Variants in TNRC6A observed in about 807,000 individuals in gnomAD.
TNRC6A encodes the protein trinucleotide repeat-containing gene 6A protein.
In TNRC6A, 44 loss-of-function variants were observed where a neutral mutation model predicts 221.2. The observed-to-expected ratio is 0.20, with a 90% CI of 0.16 to 0.26. TNRC6A has a LOEUF of 0.26. Ranked by LOEUF, TNRC6A falls within the 10% of genes least tolerant of loss-of-function variation. The probability of loss-of-function intolerance (pLI) is 1.00; values close to 1 mark genes in which losing one functional copy is unlikely to be tolerated. For missense variants in TNRC6A, 2,199 were observed against 2,404.4 expected, an observed-to-expected ratio of 0.91 and a Z score of 1.79; for synonymous variants, 847 against 838.5, an observed-to-expected ratio of 1.01 and a Z score of -0.18.
At chr16:24,618,642 ATTTTTTTTTTTTTTTT>A (rs61228496) in intron 1 of TNRC6A, among the ~76,000 whole-genome samples, 1 of 88,040 alleles carries the variant, frequency 1.1e-5, no homozygotes, top group Admixed American at 1.3e-4. Flanking sequence ...CATTTCATGA[ATTTTTTTTTTTTTTTT>A]TTTTTTTTTT....
At chr16:24,784,157 A>G (rs1205350449) in intron 5 of TNRC6A, among the ~76,000 whole-genome samples, 3 of 151,904 alleles carry the variant, frequency 2.0e-5, no homozygotes, top group Non-Finnish European at 4.4e-5. Context: ...GCCTGTTACC[A>G]CACCCGGTTA....
At chr16:24,804,356 C>T (rs759876976) in intron 12 of TNRC6A, 37 bp downstream of exon 12, 1 of 1,586,352 alleles carries the variant, frequency 6.3e-7, no homozygotes, top group Non-Finnish European at 8.5e-7. Context: ...CTTGATAAAC[C>T]AGTATACTTC....
intron 23 of TNRC6A, 122 bp downstream of exon 23, chr16:24,822,269 G>A (rs2058781033): frequency 3.2e-6 from 3 of 944,926 alleles, no homozygotes; most frequent in South Asian, 3.0e-5. Context: ...GGAAACAGCA[G>A]AGGAGTGGTC....
intron 3 of TNRC6A, among the ~76,000 whole-genome samples, chr16:24,752,607 G>A (rs74690715): frequency 0.025 from 3,835 of 152,226 alleles, 170 homozygotes; most frequent in African/African-American, 0.087. Flanking sequence ...GTCATTGCTC[G>A]AGATTTCTTA....
At chr16:24,686,281 C>G (rs1204251130) in intron 2 of TNRC6A, among the ~76,000 whole-genome samples, 1 of 152,132 alleles carries the variant, frequency 6.6e-6, no homozygotes. Flanking sequence ...ACTTCCCTCA[C>G]GCGAGCCGAG....
At chr16:24,615,177 T>A (rs989385806) in intron 1 of TNRC6A, among the ~76,000 whole-genome samples, 2 of 152,084 alleles carry the variant, frequency 1.3e-5, no homozygotes, top group Non-Finnish European at 2.9e-5. Flanking sequence ...TGCTGCTGGA[T>A]CACATAGAGT....
chr16:24,751,724 G>A (rs2057140774), intron 3 of TNRC6A, among the ~76,000 whole-genome samples: 1 of 152,124 alleles, frequency 6.6e-6, no homozygotes, highest in Non-Finnish European at 1.5e-5. Flanking sequence ...CATTGTGCTA[G>A]GAACTGGATG....
chr16:24,675,700 CTCTA>C (rs1203096983), intron 2 of TNRC6A, among the ~76,000 whole-genome samples: 160 of 54,836 alleles, frequency 2.9e-3, no homozygotes, highest in Middle Eastern at 7.9e-3. Context: ...CTCTCTCTCT[CTCTA>C]TATATATATA....
chr16:24,781,792 G>A (rs1301404161), intron 5 of TNRC6A, among the ~76,000 whole-genome samples: 1 of 151,812 alleles, frequency 6.6e-6, no homozygotes, highest in African/African-American at 2.4e-5. Context: ...ATGTCTCACA[G>A]GCCAGTGGGT....
intron 1 of TNRC6A, among the ~76,000 whole-genome samples, chr16:24,618,043 G>A (rs184567158): frequency 2.1e-4 from 32 of 152,170 alleles, no homozygotes; most frequent in African/African-American, 5.8e-4. Flanking sequence ...AATTACAGGC[G>A]TGCGGCACCA....
intron 9 of TNRC6A, among the ~76,000 whole-genome samples, chr16:24,797,083 T>C (rs891157139): frequency 6.6e-6 from 1 of 152,248 alleles, no homozygotes; most frequent in Non-Finnish European, 1.5e-5. Flanking sequence ...TTAAGTTGGC[T>C]TCTTTGGACT....
At chr16:24,753,830 A>G (rs2057190530) in intron 3 of TNRC6A, among the ~76,000 whole-genome samples, 2 of 152,180 alleles carry the variant, frequency 1.3e-5, no homozygotes, top group Non-Finnish European at 2.9e-5. Flanking sequence ...TATCTGTTCT[A>G]ATACATTTGT....
In TNRC6A at chr16:24,797,427, G is replaced by A. The variant is rs189668310; in HGVS notation, c.3562-63G>A. 3,865 of 1,239,552 alleles carry A rather than the reference G, an allele frequency of 3.1e-3. 11 individuals are homozygous for A. The highest frequency in any genetic ancestry group is 4.0e-3 in the Non-Finnish European group (3,492 of 875,398). The allele number at this position is 1,239,552 out of a possible 1,614,324, so 76.8% of individuals were successfully genotyped here. A position where few individuals can be genotyped will look rare whatever the true frequency, so the allele number is the denominator to read the frequency against. On this transcript the variant is annotated intron_variant, in intron 9 of 24. Transcript: ENST00000395799. Reference sequence around the variant, plus strand: ...GGATTGTCTTAAGTTTTATTAATCCGTCACTATACCCAGATAAACAGAGAT... The same window carrying A: ...GGATTGTCTTAAGTTTTATTAATCCATCACTATACCCAGATAAACAGAGAT...
At chr16:24,806,055 T>G in intron 15 of TNRC6A, 151 bp from the exon 16 acceptor site, 1 of 840,086 alleles carries the variant, frequency 1.2e-6, no homozygotes. Flanking sequence ...AACCAGAGAG[T>G]CCAAGGAAGA....
intron 2 of TNRC6A, among the ~76,000 whole-genome samples, chr16:24,664,346 TAATA>T (rs1338775395): frequency 6.7e-6 from 1 of 149,122 alleles, no homozygotes; most frequent in Non-Finnish European, 1.5e-5. Flanking sequence ...AAATTCCAAA[TAATA>T]AATAAATAAC....
At chr16:24,728,948 G>C (rs979991879), upstream of TNRC6A, among the ~76,000 whole-genome samples, 7 of 151,976 alleles carry the variant, frequency 4.6e-5, no homozygotes, top group Non-Finnish European at 1.0e-4. Context: ...ATACATGCCA[G>C]TAGCTGTTTT....
rs929708337 is a variant in TNRC6A, at chr16:24,825,608, A to T, written c.*1801A>T. 1 of 152,656 alleles carries T rather than the reference A, an allele frequency of 6.6e-6. No homozygotes were observed. The highest frequency in any genetic ancestry group is 1.9e-4 in the East Asian group (1 of 5,204). The allele number at this position is 152,656 out of a possible 1,614,324, so 9.5% of individuals were successfully genotyped here. A position where few individuals can be genotyped will look rare whatever the true frequency, so the allele number is the denominator to read the frequency against. On this transcript the variant is annotated 3_prime_UTR_variant, in exon 25 of 25. Transcript: ENST00000395799. ...TTTTATCTGAACTCATCACAATTTC[A>T]CCCTGAAATAATGTGAGAACAATGG...
Position 24,823,649 on chromosome 16 carries a change from G to A in TNRC6A, c.5731G>A (p.Gly1911Arg). 1 of 1,613,386 alleles carries A rather than the reference G, an allele frequency of 6.2e-7. No individual in the cohort carries two copies. The highest frequency in any genetic ancestry group is 8.5e-7 in the Non-Finnish European group (1 of 1,179,532). Reference protein sequence around the residue: ...NGAGLSGTNCGDLHGTSLWGT... With the variant: ...NGAGLSGTNCRDLHGTSLWGT... The stretch of plus-strand genomic sequence containing the variant: ...TGCTGGGCTGTCGGGAACTAACTGT[G>A]GAGACCTTCACGGCACTTCACTCTG... Residue 1911 changes from glycine to arginine, a missense_variant, in exon 25 of 25, where the codon GGA (glycine) becomes AGA (arginine). Physicochemically the swap from Gly to Arg is moderately radical, Grantham distance 125. Around this residue, in one of 8 missense-constraint regions of TNRC6A, gnomAD observed 130 missense variants for 121.7 expected, o/e 1.07. Coordinates refer to ENST00000395799, the MANE Select transcript of TNRC6A (RefSeq NM_014494.4). The surrounding 1 kb of genome is among the most constrained non-coding windows in gnomAD (Gnocchi z 4.3).
At chr16:24,741,711 T>G (rs1470168423) in intron 2 of TNRC6A, among the ~76,000 whole-genome samples, 1 of 152,208 alleles carries the variant, frequency 6.6e-6, no homozygotes, top group African/African-American at 2.4e-5. Flanking sequence ...ATGTATTCAG[T>G]TTTATTTTCT....
Sources: allele counts gnomAD v4.1 joint callset (sites outside exome capture counted in the v4.1 genomes callset), GRCh38; gene constraint gnomAD v4.1.1; regional missense constraint gnomAD v4.1.1; non-coding constraint Gnocchi (gnomAD v3.1); transcripts MANE v1.5; gene names NCBI Gene and HGNC (gene_info 2026-07-23, HGNC 2026-07-21).